The following ATXN1 variants were observed in gnomAD, a reference collection of about 807,000 sequenced individuals.
The protein encoded by ATXN1 is ataxin 1.
A neutral mutation model predicts 56.4 loss-of-function variants in ATXN1; 8 were observed. The observed-to-expected ratio is 0.14, with a 90% CI of 0.08 to 0.26. ATXN1 has a LOEUF of 0.26. Ranked by LOEUF, ATXN1 falls within the 10% of genes least tolerant of loss-of-function variation. The pLI is 1.00. For synonymous variants in ATXN1, 514 were observed against 494.6 expected (o/e 1.04, Z -0.52); for missense variants, 987 against 1,106.5 (o/e 0.89, Z 1.53).
chr6:16,715,061 A>C (rs1759610575), intron 2 of ATXN1, among the ~76,000 whole-genome samples: 1 of 151,740 alleles, frequency 6.6e-6, no homozygotes, highest in African/African-American at 2.4e-5. Flanking sequence ...TCCCCTGCCC[A>C]CCCTGGCCCC....
intron 2 of ATXN1, among the ~76,000 whole-genome samples, chr6:16,688,609 G>A (rs751227230): frequency 1.3e-5 from 2 of 152,194 alleles, no homozygotes; most frequent in African/African-American, 4.8e-5. Context: ...GTGGAAAATA[G>A]CCAGCCTTGC....
rs183731174 is a variant in ATXN1 at position 16,536,172 on chromosome 6, G to A, written c.-360-13484C>T. 3.0e-3 allele frequency among the ~76,000 whole-genome samples: 454 copies of A among 152,142 alleles called. 2 individuals are homozygous for A. Among genetic ancestry groups the A allele is most frequent in the African/African-American group, 0.01 (422 of 41,492 alleles). On this transcript the variant is annotated intron_variant, in intron 4 of 7. Coordinates refer to ENST00000436367, the MANE Select transcript of ATXN1 (RefSeq NM_001128164.2). ...GTCCAGTCTGCAGTGAGCTGAGATC[G>A]TACCACTGCACTCCAACCTGGGCGA...
intron 6 of ATXN1, among the ~76,000 whole-genome samples, chr6:16,426,914 T>G (rs1292645215): frequency 6.7e-6 from 1 of 149,190 alleles, no homozygotes; most frequent in African/African-American, 2.5e-5. Flanking sequence ...GGATCGAGAT[T>G]AAAGTGGCCA....
At chr6:16,375,180 A>G (rs945211903) in intron 6 of ATXN1, among the ~76,000 whole-genome samples, 2 of 152,224 alleles carry the variant, frequency 1.3e-5, no homozygotes, top group African/African-American at 4.8e-5. Flanking sequence ...AAAGAAGAAC[A>G]CCAAGGAGAA....
At chr6:16,491,079 C>T (rs1002070615) in intron 5 of ATXN1, among the ~76,000 whole-genome samples, 10 of 143,354 alleles carry the variant, frequency 7.0e-5, no homozygotes, top group Admixed American at 2.9e-4. Flanking sequence ...AGAAGTTAGA[C>T]GGATCCCTGG....
At chr6:16,658,849 C>A (rs1758259302) in intron 2 of ATXN1, among the ~76,000 whole-genome samples, 1 of 152,214 alleles carries the variant, frequency 6.6e-6, no homozygotes, top group South Asian at 2.1e-4. Flanking sequence ...ATGGTGGCCA[C>A]ATCATACTTG....
At chr6:16,666,309 C>G (rs1235477520) in intron 2 of ATXN1, among the ~76,000 whole-genome samples, 3 of 152,170 alleles carry the variant, frequency 2.0e-5, no homozygotes, top group African/African-American at 7.2e-5. Context: ...TTACAAATGA[C>G]AGAATTTCAT....
At chr6:16,684,669 G>A (rs563859457) in intron 2 of ATXN1, among the ~76,000 whole-genome samples, 2 of 152,248 alleles carry the variant, frequency 1.3e-5, no homozygotes, top group Non-Finnish European at 2.9e-5. Flanking sequence ...ACCAGTGATG[G>A]TCTTTGCATT....
rs934927924 is a variant in ATXN1 at position 16,634,824 on chromosome 6, A to G, written c.-489+22952T>C. Reference sequence around the variant, plus strand: ...GTGTGAGGAGGATACATATTTCATGAGTGCAGAGTGCTCAGCTCAGTACTT... The same window carrying G: ...GTGTGAGGAGGATACATATTTCATGGGTGCAGAGTGCTCAGCTCAGTACTT... On this transcript the variant is annotated intron_variant, in intron 3 of 7. Coordinates refer to ENST00000436367, the MANE Select transcript of ATXN1 (RefSeq NM_001128164.2). 2.0e-5 allele frequency among the ~76,000 whole-genome samples: 3 copies of G among 152,226 alleles called. No individual in the cohort carries two copies. In the East Asian group the frequency reaches 5.8e-4, roughly 29 times the overall value.
At chr6:16,308,727 A>T (rs2113377125) in intron 7 of ATXN1, among the ~76,000 whole-genome samples, 1 of 152,278 alleles carries the variant, frequency 6.6e-6, no homozygotes, top group South Asian at 2.1e-4. Context: ...AAATAAAAGC[A>T]TTCAATTTAA....
chr6:16,316,498 C>T (rs1319088428), intron 7 of ATXN1, among the ~76,000 whole-genome samples: 1 of 152,108 alleles, frequency 6.6e-6, no homozygotes, highest in African/African-American at 2.4e-5. Context: ...TGTAATCCCA[C>T]CACTTTGGGA....
At chr6:16,465,791 G>A (rs1347685494) in intron 6 of ATXN1, among the ~76,000 whole-genome samples, 2 of 152,150 alleles carry the variant, frequency 1.3e-5, no homozygotes, top group Non-Finnish European at 2.9e-5. Context: ...TCCAGACTCT[G>A]GGAAAGCTCA....
At chr6:16,524,758 T>C (rs1185419883) in intron 4 of ATXN1, among the ~76,000 whole-genome samples, 1 of 151,334 alleles carries the variant, frequency 6.6e-6, no homozygotes, top group Non-Finnish European at 1.5e-5. Context: ...GACTTAATAA[T>C]TTGCCAGAAT....
intron 6 of ATXN1, among the ~76,000 whole-genome samples, chr6:16,476,136 G>C (rs1465305541): frequency 1.3e-5 from 2 of 152,152 alleles, no homozygotes; most frequent in African/African-American, 4.8e-5. Context: ...GCTTCCCAAA[G>C]TGCTGGAATT....
At chr6:16,749,773 C>G (rs1258127362) in intron 2 of ATXN1, among the ~76,000 whole-genome samples, 2 of 152,216 alleles carry the variant, frequency 1.3e-5, no homozygotes, top group African/African-American at 4.8e-5. Flanking sequence ...CAGTCATCCC[C>G]CTCCTGGGTG....
At chr6:16,756,656 AATCT>A (rs1448225450) in intron 1 of ATXN1, among the ~76,000 whole-genome samples, 1 of 152,196 alleles carries the variant, frequency 6.6e-6, no homozygotes, top group Admixed American at 6.5e-5. Flanking sequence ...AAAGTCAAAT[AATCT>A]ATCTCTCCCC....
At chr6:16,458,578 G>T (rs1759927186) in intron 6 of ATXN1, among the ~76,000 whole-genome samples, 1 of 152,168 alleles carries the variant, frequency 6.6e-6, no homozygotes, top group South Asian at 2.1e-4. Context: ...AAGAGGAACA[G>T]GCAGAAAAGG....
chr6:16,730,736 G>A (rs946301246), intron 2 of ATXN1, among the ~76,000 whole-genome samples: 6 of 152,084 alleles, frequency 3.9e-5, no homozygotes, highest in Middle Eastern at 3.4e-3. Flanking sequence ...GTGAACTTCA[G>A]TTATTGCCTT....
At chr6:16,348,188 T>G (rs995668315) in intron 6 of ATXN1, among the ~76,000 whole-genome samples, 1 of 152,220 alleles carries the variant, frequency 6.6e-6, no homozygotes, top group African/African-American at 2.4e-5. Context: ...CTCAGCTTCC[T>G]TAGTAGCTGG....
Sources: allele counts gnomAD v4.1 joint callset (sites outside exome capture counted in the v4.1 genomes callset), GRCh38; gene constraint gnomAD v4.1.1; transcripts MANE v1.5; gene names NCBI Gene and HGNC (gene_info 2026-07-23, HGNC 2026-07-21).